BIN3: variants seen among roughly 807,000 people sequenced by gnomAD.
BIN3 encodes bridging integrator 3.
Under a neutral mutation model 38.2 loss-of-function variants are expected in BIN3, and 41 were observed. The ratio of observed to expected loss-of-function variants is 1.07; its 90% CI spans 0.84 to 1.39. The LOEUF (loss-of-function observed/expected upper bound fraction) is 1.39, where lower values mean the gene tolerates loss of function less well. BIN3 is among the 40% of genes most tolerant of loss of function. The pLI is 0.00. For synonymous variants in BIN3, 145 were observed against 122.6 expected (o/e 1.18, Z -1.21); for missense variants, 361 against 324.3 (o/e 1.11, Z -0.87).
At chr8:22,644,632 A>C (rs1236762385) in intron 2 of BIN3, 123 bp downstream of exon 2, 10 of 881,402 alleles carry the variant, frequency 1.1e-5, no homozygotes, top group Non-Finnish European at 1.8e-5. Context: ...CCGCATAAGC[A>C]GGAAGAAGGC....
chr8:22,624,211 TC>T lies in BIN3; in HGVS notation c.480+10del. The T allele has an allele frequency of 6.2e-7, 1 of 1,612,010 alleles. No homozygotes were observed. ...CCTGTCTAGCCCCTGCCCACCTGTC[TC>T]CCCTGGTACCTGGTGGAGCTTGGCC... On this transcript the variant is annotated intron_variant, in intron 7 of 8. Coordinates refer to ENST00000276416, the MANE Select transcript of BIN3 (RefSeq NM_018688.6).
intron 1 of BIN3, among the ~76,000 whole-genome samples, chr8:22,653,577 G>A (rs1034723784): frequency 3.3e-5 from 5 of 152,166 alleles, no homozygotes; most frequent in African/African-American, 1.2e-4. Flanking sequence ...TCTTTACAAC[G>A]TACAGTTAAA....
intron 2 of BIN3, chr8:22,644,513 C>T (rs1802655700): frequency 4.0e-6 from 2 of 497,264 alleles, no homozygotes; most frequent in Non-Finnish European, 7.4e-6. Context: ...TTGTAATCCA[C>T]CCATTCCCCC....
chr8:22,657,439 G>A (rs568367685), intron 1 of BIN3, among the ~76,000 whole-genome samples: 1 of 152,366 alleles, frequency 6.6e-6, no homozygotes, highest in South Asian at 2.1e-4. Context: ...ATTCAGTGGA[G>A]ACCAAGAAAA....
At chr8:22,628,445 G>T (rs1232769513) in intron 6 of BIN3, among the ~76,000 whole-genome samples, 3 of 152,182 alleles carry the variant, frequency 2.0e-5, no homozygotes, top group Admixed American at 2.0e-4. Context: ...TCAGCTGTGG[G>T]GATGCAGGGA....
At position 22,630,352 on chromosome 8, in the gene BIN3, G is replaced by A; in HGVS notation, c.297+90C>T. On this transcript the variant is annotated intron_variant, in intron 5 of 8. Transcript: ENST00000276416. ...GGGCTTAGAGCCCTGAGAGCAGAGG[G>A]AGCCCACTCGGGCCTCCCCGCACAG... 6.5e-6 allele frequency: 10 copies of A among 1,526,908 alleles called. No homozygotes were observed. In the South Asian group the frequency reaches 9.9e-5, roughly 15 times the overall value. The allele number at this position is 1,526,908 out of a possible 1,614,324, so 94.6% of individuals were successfully genotyped here.
chr8:22,645,754 A>G (rs942845401), intron 1 of BIN3, among the ~76,000 whole-genome samples: 11 of 152,226 alleles, frequency 7.2e-5, no homozygotes, highest in Non-Finnish European at 1.5e-4. Context: ...GTGCTTTGCT[A>G]CTTCTCTATA....
chr8:22,664,577 A>G (rs10098338), intron 1 of BIN3, among the ~76,000 whole-genome samples: 8,862 of 152,278 alleles, frequency 0.058, 316 homozygotes, highest in East Asian at 0.1. Flanking sequence ...TTCACTACCA[A>G]CCTGCTAGTG....
At chr8:22,644,215 T>A (rs749366) in intron 2 of BIN3, among the ~76,000 whole-genome samples, 7,359 of 152,322 alleles carry the variant, frequency 0.048, 617 homozygotes, top group African/African-American at 0.16. Flanking sequence ...AGATAAAAAC[T>A]TTCTAGGGAT....
chr8:22,657,969 C>T (rs944294529), intron 1 of BIN3, among the ~76,000 whole-genome samples: 20 of 152,316 alleles, frequency 1.3e-4, no homozygotes, highest in Admixed American at 3.3e-4. Context: ...AACTGGGCTT[C>T]GGGACTCTCC....
chr8:22,639,127 C>A (rs1802459416), intron 2 of BIN3, among the ~76,000 whole-genome samples: 1 of 152,210 alleles, frequency 6.6e-6, no homozygotes, highest in Admixed American at 6.5e-5. Flanking sequence ...TTGGTGTCAG[C>A]CTGGTTTTCT....
chr8:22,656,081 C>A (rs999826278), intron 1 of BIN3, among the ~76,000 whole-genome samples: 18 of 152,120 alleles, frequency 1.2e-4, no homozygotes, highest in Non-Finnish European at 2.5e-4. Flanking sequence ...CACCCCCACA[C>A]CTAAAAACCC....
At chr8:22,639,996 G>T (rs546883046) in intron 2 of BIN3, among the ~76,000 whole-genome samples, 2 of 151,148 alleles carry the variant, frequency 1.3e-5, no homozygotes, top group African/African-American at 4.9e-5. Context: ...CGAGTAGCTG[G>T]GATTACAGGC....
chr8:22,645,315 A>C (rs1802681213), intron 1 of BIN3, among the ~76,000 whole-genome samples: 1 of 152,078 alleles, frequency 6.6e-6, no homozygotes, highest in African/African-American at 2.4e-5. Context: ...AAAAACACAA[A>C]AAAACAACCA....
At chr8:22,629,767 C>T in intron 6 of BIN3, 197 bp downstream of exon 6, 1 of 614,778 alleles carries the variant, frequency 1.6e-6, no homozygotes, top group South Asian at 2.0e-5. Flanking sequence ...CTCGCCTGGG[C>T]CATGTGGGTA....
chr8:22,662,702 A>G (rs1251742055), intron 1 of BIN3, among the ~76,000 whole-genome samples: 2 of 152,188 alleles, frequency 1.3e-5, no homozygotes, highest in East Asian at 1.9e-4. Flanking sequence ...AACATCTATC[A>G]CTCAAAGGTC....
rs1382566924 is a variant in BIN3 at position 22,625,147 on chromosome 8, CAG to C, written c.339-786_339-785del. ...GTGGGAGACTCAGAGGAGTGGCCCTCAGAGAGAGCAGCAGTGGACGATGCAAC... is the reference window on the plus strand; with the variant it reads ...GTGGGAGACTCAGAGGAGTGGCCCTCAGAGAGCAGCAGTGGACGATGCAAC... On this transcript the variant is annotated intron_variant, in intron 6 of 8. Transcript: ENST00000276416. 3 of 585,630 alleles carry C rather than the reference CAG, an allele frequency of 5.1e-6. No homozygotes were observed. The East Asian group carries it at 8.3e-5, about 16-fold the overall frequency. The allele number at this position is 585,630 out of a possible 1,614,324, so 36.3% of individuals were successfully genotyped here. A position where few individuals can be genotyped will look rare whatever the true frequency, so the allele number is the denominator to read the frequency against.
chr8:22,658,910 A>G (rs1803144423), intron 1 of BIN3, among the ~76,000 whole-genome samples: 1 of 152,198 alleles, frequency 6.6e-6, no homozygotes, highest in South Asian at 2.1e-4. Flanking sequence ...TGTCTCGGCA[A>G]GAGCAGGAAG....
chr8:22,624,120 G>A, intron 7 of BIN3, 71 bp from the exon 8 acceptor site: 2 of 634,096 alleles, frequency 3.2e-6, no homozygotes, highest in Non-Finnish European at 5.7e-6. Context: ...GTGGGGTGGG[G>A]ACGTCTGGTG....
Sources: gnomAD v4.1 joint callset for allele counts (sites outside exome capture counted in the v4.1 genomes callset) on GRCh38, gnomAD v4.1.1 for gene constraint, MANE v1.5 for transcripts, NCBI Gene and HGNC (gene_info 2026-07-23, HGNC 2026-07-21) for gene names.